ROBO2: variants seen among roughly 807,000 people sequenced by gnomAD.
ROBO2 encodes roundabout homolog 2.
In ROBO2, 53 loss-of-function variants were observed where a neutral mutation model predicts 160.8. The ratio of observed to expected loss-of-function variants is 0.33; its 90% CI spans 0.26 to 0.41. The LOEUF (loss-of-function observed/expected upper bound fraction) is 0.41. Ranked by LOEUF, ROBO2 falls within the 10% of genes least tolerant of loss-of-function variation. The pLI is 1.00. For missense variants in ROBO2, 1,577 were observed against 1,722.4 expected (o/e 0.92, Z 1.49); for synonymous variants, 664 against 611.7 (o/e 1.09, Z -1.26).
chr3:76,372,181 A>T (rs1282753479), intron 2 of ROBO2, among the ~76,000 whole-genome samples: 2 of 151,980 alleles, frequency 1.3e-5, no homozygotes. Context: ...ATGTTTCCAC[A>T]ACCAGGACTA....
intron 2 of ROBO2, among the ~76,000 whole-genome samples, chr3:76,174,185 C>A (rs554585264): frequency 6.6e-6 from 1 of 152,026 alleles, no homozygotes; most frequent in Admixed American, 6.6e-5. Context: ...CTGTTCATAT[C>A]CTTTGCCTGC....
At chr3:77,062,249 G>A (rs74345147) in intron 1 of ROBO2, among the ~76,000 whole-genome samples, 1,872 of 152,088 alleles carry the variant, frequency 0.012, 38 homozygotes, top group African/African-American at 0.043. Flanking sequence ...TAGACTCTCT[G>A]GATTTAAATA....
At chr3:77,395,465 C>T (rs1304914444) in intron 2 of ROBO2, among the ~76,000 whole-genome samples, 1 of 152,012 alleles carries the variant, frequency 6.6e-6, no homozygotes, top group Non-Finnish European at 1.5e-5. Flanking sequence ...ATGATATGGA[C>T]CAATTCAGCT....
At chr3:76,440,152 AGCG>A (rs2076859146) in intron 2 of ROBO2, among the ~76,000 whole-genome samples, 1 of 152,184 alleles carries the variant, frequency 6.6e-6, no homozygotes, top group African/African-American at 2.4e-5. Context: ...GTGGGGGGAA[AGCG>A]AGAAATTCCA....
At chr3:76,110,105 A>G (rs1291913253) in intron 2 of ROBO2, among the ~76,000 whole-genome samples, 1 of 151,630 alleles carries the variant, frequency 6.6e-6, no homozygotes, top group African/African-American at 2.4e-5. Context: ...CTTAAACTAG[A>G]TATATGGGAA....
At chr3:77,255,511 AGGTGTCT>A (rs2090825370) in intron 2 of ROBO2, among the ~76,000 whole-genome samples, 1 of 152,232 alleles carries the variant, frequency 6.6e-6, no homozygotes, top group Non-Finnish European at 1.5e-5. Context: ...GTAAAATAAA[AGGTGTCT>A]GGTGGTAACC....
chr3:76,678,498 G>T (rs67942471), intron 2 of ROBO2, among the ~76,000 whole-genome samples: 3 of 151,944 alleles, frequency 2.0e-5, no homozygotes, highest in South Asian at 4.1e-4. Context: ...TTCTGCATTA[G>T]CATTAATGTA....
chr3:76,322,319 G>A (rs2072632049), intron 2 of ROBO2, among the ~76,000 whole-genome samples: 1 of 151,026 alleles, frequency 6.6e-6, no homozygotes, highest in Non-Finnish European at 1.5e-5. Flanking sequence ...ACATTTCACT[G>A]TGTGTAAAAA....
chr3:76,130,203 T>A (rs1476340836), intron 2 of ROBO2, among the ~76,000 whole-genome samples: 2 of 152,022 alleles, frequency 1.3e-5, no homozygotes, highest in African/African-American at 4.8e-5. Flanking sequence ...AATATGCAAA[T>A]TATCCACCAG....
intron 2 of ROBO2, among the ~76,000 whole-genome samples, chr3:77,324,787 G>GAAAAAAAAAAAAAAAAA (rs34331921): frequency 2.1e-5 from 2 of 96,712 alleles, no homozygotes; most frequent in Non-Finnish European, 2.5e-5. Flanking sequence ...GTCTCAAAAA[G>GAAAAAAAAAAAAAAAAA]AAAAAAAAAA....
chr3:77,236,694 A>T (rs997524446), intron 2 of ROBO2, among the ~76,000 whole-genome samples: 6 of 152,120 alleles, frequency 3.9e-5, no homozygotes, highest in African/African-American at 7.2e-5. Context: ...TCCATCTATT[A>T]TCCATCCTTT....
chr3:77,575,033 AAGAC>A (rs1029538145), intron 14 of ROBO2, among the ~76,000 whole-genome samples: 3 of 151,364 alleles, frequency 2.0e-5, no homozygotes, highest in African/African-American at 7.3e-5. Flanking sequence ...TGGATCATGA[AAGAC>A]AGACGACTGG....
chr3:76,858,105 G>C (rs545058262), intron 2 of ROBO2, among the ~76,000 whole-genome samples: 2 of 151,076 alleles, frequency 1.3e-5, no homozygotes, highest in African/African-American at 4.9e-5. Flanking sequence ...CATAGCACTC[G>C]CTAGTACACT....
At chr3:76,712,038 G>T (rs1042414282) in intron 2 of ROBO2, among the ~76,000 whole-genome samples, 1 of 152,120 alleles carries the variant, frequency 6.6e-6, no homozygotes, top group Non-Finnish European at 1.5e-5. Context: ...ATAATAAGGG[G>T]TTACCAAACT....
intron 2 of ROBO2, among the ~76,000 whole-genome samples, chr3:76,965,973 A>AGT (rs1019578121): frequency 5.5e-5 from 7 of 127,064 alleles, no homozygotes; most frequent in Non-Finnish European, 9.4e-5. Flanking sequence ...CCCAGGCTGG[A>AGT]GTGCAATGGC....
Position 76,341,201 on chromosome 3 carries a change from A to G in ROBO2, c.109+403599A>G, listed in dbSNP as rs187593442. ...GACTAACTACTGTAAGGAAAAAAAG[A>G]ATAAACACAAAACTTCAAATCTCAG... On this transcript the variant is annotated intron_variant, in intron 2 of 26. Transcript: ENST00000487694. Among the ~76,000 whole-genome samples the G allele has an allele frequency of 5.7e-3, 868 of 152,132 alleles. 6 individuals carry two copies. Among genetic ancestry groups the G allele is most frequent in the African/African-American group, 0.02 (822 of 41,514 alleles).
intron 2 of ROBO2, among the ~76,000 whole-genome samples, chr3:77,415,572 G>A (rs2077149741): frequency 6.6e-6 from 1 of 152,150 alleles, no homozygotes; most frequent in Non-Finnish European, 1.5e-5. Context: ...ACTCGGCTCT[G>A]GGCTCGCCAC....
At chr3:76,223,008 G>C (rs981962997) in intron 2 of ROBO2, among the ~76,000 whole-genome samples, 1 of 151,854 alleles carries the variant, frequency 6.6e-6, no homozygotes, top group African/African-American at 2.4e-5. Context: ...GCCCGCCTCA[G>C]CCTCCCAAAG....
chr3:77,234,574 G>A (rs2087680065), intron 2 of ROBO2, among the ~76,000 whole-genome samples: 1 of 152,030 alleles, frequency 6.6e-6, no homozygotes, highest in South Asian at 2.1e-4. Context: ...GCATATGAAA[G>A]GGACATTTAT....
Sources: gnomAD v4.1 joint callset for allele counts (sites outside exome capture counted in the v4.1 genomes callset) on GRCh38, gnomAD v4.1.1 for gene constraint, MANE v1.5 for transcripts, NCBI Gene and HGNC (gene_info 2026-07-23, HGNC 2026-07-21) for gene names.